Variants in PCNX2 observed in about 807,000 individuals in gnomAD.
The protein encoded by PCNX2 is pecanex-like protein 2.
PCNX2 carries 168 observed loss-of-function variants against 223.8 expected under a neutral mutation model. The ratio of observed to expected loss-of-function variants is 0.75; its 90% CI spans 0.66 to 0.85. The LOEUF (loss-of-function observed/expected upper bound fraction) is 0.85, where lower values mean the gene tolerates loss of function less well. PCNX2 is among the 40% of genes least tolerant of loss of function. The pLI is 0.00. For missense variants in PCNX2, 2,507 were observed against 2,675.5 expected (o/e 0.94, Z 1.39); for synonymous variants, 1,006 against 1,052.6 (o/e 0.96, Z 0.86).
intron 12 of PCNX2, among the ~76,000 whole-genome samples, chr1:233,212,835 C>A (rs915215774): frequency 1.3e-5 from 2 of 152,214 alleles, no homozygotes; most frequent in Admixed American, 1.3e-4. Context: ...ACTAAGTTGA[C>A]CTTCTTATTT....
At chr1:233,232,963 G>A (rs1207725926) in intron 9 of PCNX2, 4 of 985,214 alleles carry the variant, frequency 4.1e-6, no homozygotes, top group South Asian at 4.7e-5. Context: ...ATTTTTTAAT[G>A]TAAGACAAGC....
At chr1:233,092,911 G>T (rs974716147) in intron 22 of PCNX2, among the ~76,000 whole-genome samples, 3 of 152,132 alleles carry the variant, frequency 2.0e-5, no homozygotes, top group African/African-American at 7.2e-5. Context: ...CGATTCTCTT[G>T]CCTCAGCCTC....
intron 23 of PCNX2, chr1:233,057,837 G>C: frequency 2.1e-6 from 2 of 970,610 alleles, no homozygotes; most frequent in Non-Finnish European, 2.4e-6. Context: ...TCCAACCTGG[G>C]TGACAGAGCA....
At chr1:233,210,244 A>G (rs892125847) in intron 12 of PCNX2, among the ~76,000 whole-genome samples, 2 of 152,128 alleles carry the variant, frequency 1.3e-5, no homozygotes, top group African/African-American at 4.8e-5. Context: ...TGGGTCCCCA[A>G]ACCATACTAA....
At chr1:233,289,244 T>C in intron 1 of PCNX2, 6 of 945,604 alleles carry the variant, frequency 6.3e-6, no homozygotes, top group Non-Finnish European at 8.8e-6. Flanking sequence ...AAGATTTCAG[T>C]TGAGGAACGG....
At chr1:233,083,556 T>TA (rs1673461182) in intron 23 of PCNX2, among the ~76,000 whole-genome samples, 1 of 152,168 alleles carries the variant, frequency 6.6e-6, no homozygotes, top group Non-Finnish European at 1.5e-5. Context: ...GTGCTATACT[T>TA]ATGTCTATAT....
chr1:233,298,637 C>T (rs972549431), upstream of PCNX2, among the ~76,000 whole-genome samples: 9 of 152,084 alleles, frequency 5.9e-5, no homozygotes, highest in African/African-American at 1.9e-4. Flanking sequence ...GCCTGTAATC[C>T]CAGCACTTTG....
chr1:233,220,356 G>A (rs763454484), intron 10 of PCNX2, among the ~76,000 whole-genome samples: 2 of 152,200 alleles, frequency 1.3e-5, no homozygotes, highest in Non-Finnish European at 2.9e-5. Context: ...ATAAGAAACT[G>A]CTGAATTGTC....
the PCNX2 span, among the ~76,000 whole-genome samples, chr1:233,309,543 A>AATAAT: frequency 6.8e-6 from 1 of 146,640 alleles, no homozygotes; most frequent in Non-Finnish European, 1.5e-5. Context: ...TCCCTCAAAA[A>AATAAT]AATAATAATA....
In PCNX2 at chr1:233,059,648, T is replaced by C. The variant is rs145712495; in HGVS notation, c.4077-2358A>G. Among the ~76,000 whole-genome samples the C allele has an allele frequency of 3.3e-5, 5 of 152,346 alleles. No individual in the cohort carries two copies. The East Asian group carries it at 5.8e-4, about 18-fold the overall frequency. ...AAGTTTGTTGCTCACAACTGGCACA[T>C]AGTAGTCACTCAATAAATATTTGCA... On this transcript the variant is annotated intron_variant, in intron 23 of 33. Coordinates refer to ENST00000258229, the MANE Select transcript of PCNX2 (RefSeq NM_014801.4).
chr1:233,140,508 A>G (rs886327492), intron 19 of PCNX2, among the ~76,000 whole-genome samples: 1 of 152,208 alleles, frequency 6.6e-6, no homozygotes, highest in African/African-American at 2.4e-5. Context: ...ATGACCTTGA[A>G]TTATTAGCTT....
chr1:233,073,517 T>C (rs970570896), intron 23 of PCNX2, among the ~76,000 whole-genome samples: 1 of 152,030 alleles, frequency 6.6e-6, no homozygotes, highest in Non-Finnish European at 1.5e-5. Context: ...AGGCTGGTCA[T>C]GAATTCCTGA....
chr1:233,181,200 T>G (rs1452945293), intron 15 of PCNX2: 2 of 123,076 alleles, frequency 1.6e-5, no homozygotes, highest in South Asian at 2.6e-4. Context: ...AGTTGCTGAC[T>G]TTTTTTTTTT....
At chr1:233,277,183 T>C (rs1054980250) in intron 1 of PCNX2, among the ~76,000 whole-genome samples, 72 of 152,188 alleles carry the variant, frequency 4.7e-4, no homozygotes, top group African/African-American at 1.6e-3. Flanking sequence ...GTGGGATAAG[T>C]CTGGGAAGGT....
chr1:233,106,887 G>T (rs1674820590), intron 21 of PCNX2, among the ~76,000 whole-genome samples: 1 of 151,936 alleles, frequency 6.6e-6, no homozygotes, highest in Non-Finnish European at 1.5e-5. Context: ...TTTTCTATTT[G>T]TAATAACATT....
Position 233,057,158 on chromosome 1 carries a change from T to G in PCNX2, c.4135+74A>C, listed in dbSNP as rs923823718. ...GTCTCCACAATGAGTACAGAGTGAG[T>G]ATTTAATTCTTCCTTTTGAGAATCC... On this transcript the variant is annotated intron_variant, in intron 24 of 33. Coordinates refer to ENST00000258229, the MANE Select transcript of PCNX2 (RefSeq NM_014801.4). The G allele has an allele frequency of 6.6e-5, 79 of 1,201,272 alleles. No individual in the cohort carries two copies. In the African/African-American group the frequency reaches 1.1e-3, roughly 17 times the overall value. 74.4% of individuals were successfully genotyped at this position (1,201,272 alleles called of 1,614,324 possible).
At chr1:232,985,412 A>T (rs1412102718) in intron 33 of PCNX2, 1 of 152,840 alleles carries the variant, frequency 6.5e-6, no homozygotes, top group Non-Finnish European at 1.5e-5. Context: ...ACTCAAAAGG[A>T]GTGGGGGAAC....
chr1:233,066,806 T>C (rs28791780), intron 23 of PCNX2, among the ~76,000 whole-genome samples: 48,041 of 152,070 alleles, frequency 0.32, 10,257 homozygotes, highest in African/African-American at 0.61. Flanking sequence ...ATGAGGTGCC[T>C]CTTCCCCTCC....
intron 15 of PCNX2, 81 bp downstream of exon 15, chr1:233,198,858 G>A: frequency 7.5e-7 from 1 of 1,338,950 alleles, no homozygotes; most frequent in Non-Finnish European, 1.0e-6. Flanking sequence ...TTGTAATTTT[G>A]GAAAAAACAT....
Sources: allele counts gnomAD v4.1 joint callset (sites outside exome capture counted in the v4.1 genomes callset), GRCh38; gene constraint gnomAD v4.1.1; transcripts MANE v1.5; gene names NCBI Gene and HGNC (gene_info 2026-07-23, HGNC 2026-07-21).